Variants in SMYD2 observed in about 807,000 individuals in gnomAD.
The protein encoded by SMYD2 is SET and MYND domain containing 2, also known as N-lysine methyltransferase SMYD2.
SMYD2 carries 53 observed loss-of-function variants against 59.1 expected under a neutral mutation model. The ratio of observed to expected loss-of-function variants is 0.90; its 90% CI spans 0.72 to 1.13. The LOEUF is 1.13. SMYD2 is among the 50% of genes most tolerant of loss of function. The pLI is 0.00. For missense variants in SMYD2, 494 were observed against 544.7 expected (o/e 0.91, Z 0.93); for synonymous variants, 208 against 198.8 (o/e 1.05, Z -0.39).
rs1364472899 is a variant in SMYD2 at position 214,282,138 on chromosome 1, ATG to A, written c.173+715_173+716del. On this transcript the variant is annotated intron_variant, in intron 1 of 11. Coordinates refer to ENST00000366957, the MANE Select transcript of SMYD2 (RefSeq NM_020197.3). ...TAATTGTAAGATACCATATGTATAT[ATG>A]TGTCTGTGTTTGTATATATGATGCA... Among the ~76,000 whole-genome samples the A allele has an allele frequency of 3.9e-5, 6 of 152,312 alleles. No individual in the cohort carries two copies. The East Asian group carries it at 9.7e-4, about 25-fold the overall frequency.
In SMYD2 at chr1:214,312,872, C is replaced by A. The variant is rs1172343919; in HGVS notation, c.238-1890C>A. On this transcript the variant is annotated intron_variant, in intron 2 of 11. Coordinates refer to ENST00000366957, the MANE Select transcript of SMYD2 (RefSeq NM_020197.3). This position sits in a 1 kb window ranked among gnomAD's most constrained non-coding sequence, Gnocchi z 4.1. ...ACTGGCCTGATCCGAGTTTTGTCAA[C>A]AGAATCCCTCAGGCTGCTCTCTGGA... Among the ~76,000 whole-genome samples, 1 of 152,216 alleles carries A rather than the reference C, an allele frequency of 6.6e-6. No individual in the cohort carries two copies. Among genetic ancestry groups the A allele is most frequent in the Admixed American group, 6.5e-5 (1 of 15,290 alleles).
chr1:214,319,390 G>C (rs758980602), intron 5 of SMYD2, among the ~76,000 whole-genome samples: 2 of 152,124 alleles, frequency 1.3e-5, no homozygotes, highest in Non-Finnish European at 2.9e-5. Flanking sequence ...TCTAACCAAG[G>C]CTGCACTGAT....
chr1:214,316,323 T>C (rs575990933), intron 3 of SMYD2, among the ~76,000 whole-genome samples: 27 of 152,102 alleles, frequency 1.8e-4, no homozygotes, highest in African/African-American at 6.3e-4. Context: ...ATTTTAAAAA[T>C]TAAAAAAATT....
At chr1:214,319,122 C>T (rs552084349) in intron 5 of SMYD2, 139 bp downstream of exon 5, 6 of 1,141,868 alleles carry the variant, frequency 5.3e-6, no homozygotes, top group African/African-American at 4.7e-5. Context: ...CCAATTGGAC[C>T]GTGTGTTGCC....
chr1:214,319,055 T>G, intron 5 of SMYD2, 72 bp downstream of exon 5: 1 of 1,548,340 alleles, frequency 6.5e-7, no homozygotes, highest in African/African-American at 1.4e-5. Flanking sequence ...TAGCAAGCAC[T>G]CAGTGAAGAT....
At chr1:214,304,351 G>A (rs1656881171) in intron 1 of SMYD2, among the ~76,000 whole-genome samples, 1 of 151,998 alleles carries the variant, frequency 6.6e-6, no homozygotes, top group Admixed American at 6.6e-5. Flanking sequence ...TTGAGCCCAG[G>A]AGTTGGGGAT....
chr1:214,285,189 GCT>G (rs1240643752), intron 1 of SMYD2, among the ~76,000 whole-genome samples: 1 of 112,636 alleles, frequency 8.9e-6, no homozygotes, highest in African/African-American at 4.7e-5. Context: ...AGTTATAAAG[GCT>G]TTTTTTCCTC....
intron 1 of SMYD2, among the ~76,000 whole-genome samples, chr1:214,289,493 A>C (rs764519347): frequency 6.6e-6 from 1 of 152,208 alleles, no homozygotes; most frequent in Non-Finnish European, 1.5e-5. Context: ...CCTCAGATGT[A>C]GTTGAGGTAA....
At chr1:214,285,776 A>T (rs1656528030) in intron 1 of SMYD2, among the ~76,000 whole-genome samples, 1 of 152,336 alleles carries the variant, frequency 6.6e-6, no homozygotes, top group South Asian at 2.1e-4. Flanking sequence ...TTGTGCCAGC[A>T]TGCTAGAGTG....
chr1:214,334,047 C>T lies in SMYD2; in HGVS notation c.1113-153C>T, dbSNP rs367588074. 3.9e-3 allele frequency: 2,312 copies of T among 589,672 alleles called. 84 individuals are homozygous for T. In the South Asian group the frequency reaches 0.05, roughly 13 times the overall value. 36.5% of individuals were successfully genotyped at this position (589,672 alleles called of 1,614,324 possible). ...TGATTCGGCAGGGTGGCAGCATCCA[C>T]GCTCTCCACCCAAACCCTGGTGGGA... On this transcript the variant is annotated intron_variant, in intron 10 of 11. Coordinates refer to ENST00000366957, the MANE Select transcript of SMYD2 (RefSeq NM_020197.3).
intron 3 of SMYD2, 128 bp from the exon 4 acceptor site, chr1:214,317,951 G>A: frequency 2.2e-6 from 2 of 897,750 alleles, no homozygotes; most frequent in South Asian, 2.8e-5. Flanking sequence ...TGGAGTCCTT[G>A]AGTAGCTTGT....
chr1:214,309,745 G>A (rs555080131), intron 2 of SMYD2, among the ~76,000 whole-genome samples: 2 of 152,196 alleles, frequency 1.3e-5, no homozygotes, highest in Admixed American at 6.5e-5. Flanking sequence ...CTTAAATTTG[G>A]GCCACTCTTT....
At chr1:214,329,678 C>T (rs1384140931) in intron 7 of SMYD2, among the ~76,000 whole-genome samples, 1 of 152,206 alleles carries the variant, frequency 6.6e-6, no homozygotes, top group Non-Finnish European at 1.5e-5. Context: ...AGTGGAGCCT[C>T]TTGCTCCATT....
At chr1:214,284,254 GTTTTTTTT>G (rs34049644) in intron 1 of SMYD2, among the ~76,000 whole-genome samples, 1 of 90,364 alleles carries the variant, frequency 1.1e-5, no homozygotes. Flanking sequence ...TTTTGGTGTG[GTTTTTTTT>G]TTTTTTTTTT....
intron 1 of SMYD2, among the ~76,000 whole-genome samples, chr1:214,304,273 C>A (rs1656879294): frequency 6.6e-6 from 1 of 152,060 alleles, no homozygotes; most frequent in Admixed American, 6.5e-5. Context: ...GAATCTATTT[C>A]TTGGTGGGGG....
intron 10 of SMYD2, chr1:214,333,986 AAC>A (rs1310144125): frequency 1.1e-5 from 5 of 437,502 alleles, no homozygotes; most frequent in Non-Finnish European, 1.7e-5. Flanking sequence ...GCTTTTCAGA[AAC>A]ACACAAACTA....
Position 214,312,772 on chromosome 1 carries a change from G to A in SMYD2, c.238-1990G>A, listed in dbSNP as rs140260922. ...GGTGGTGCAGGGACGCTCCCATCAC[G>A]TGTGGCCTCCTAGGTCACCTTTAGC... On this transcript the variant is annotated intron_variant, in intron 2 of 11. Transcript: ENST00000366957. This position sits in a 1 kb window ranked among gnomAD's most constrained non-coding sequence, Gnocchi z 4.1. Among the ~76,000 whole-genome samples, 386 of 152,320 alleles carry A rather than the reference G, an allele frequency of 2.5e-3. No homozygotes were observed. Among genetic ancestry groups the A allele is most frequent in the Non-Finnish European group, 4.3e-3 (293 of 68,020 alleles).
rs1423953000 is a variant in SMYD2, at chr1:214,312,700, T to A, written c.238-2062T>A. 6.6e-6 allele frequency among the ~76,000 whole-genome samples: 1 copy of A among 152,178 alleles called. No individual in the cohort carries two copies. The highest frequency in any genetic ancestry group is 1.5e-5 in the Non-Finnish European group (1 of 68,032). On this transcript the variant is annotated intron_variant, in intron 2 of 11. Transcript: ENST00000366957. This position sits in a 1 kb window ranked among gnomAD's most constrained non-coding sequence, Gnocchi z 4.1. Reference sequence around the variant, plus strand: ...GGCGCAGCCAGGACACTTCTGTGGCTAAGTGCAGTGAGGCAGGTGAGAGTA... The same window carrying A: ...GGCGCAGCCAGGACACTTCTGTGGCAAAGTGCAGTGAGGCAGGTGAGAGTA...
chr1:214,331,018 C>A lies in SMYD2; in HGVS notation c.885C>A (p.Val295=). ...AGGCAGAAGCCATCCGAGACATGGT[C>A]AGATATGCACGCAACGTCATTGAAG... ...PPKAEAIRDM[V]RYARNVIEEF... is the part of the protein sequence containing the mutation. The change falls in exon 9 of 12, where the codon GTC becomes GTA. Residue 295 remains valine, a synonymous_variant. Coordinates refer to ENST00000366957, the MANE Select transcript of SMYD2 (RefSeq NM_020197.3). 1 of 1,614,156 alleles carries A rather than the reference C, an allele frequency of 6.2e-7. No individual in the cohort carries two copies. Among genetic ancestry groups the A allele is most frequent in the South Asian group, 1.1e-5 (1 of 91,046 alleles).
Sources: gnomAD v4.1 joint callset for allele counts (sites outside exome capture counted in the v4.1 genomes callset) on GRCh38, gnomAD v4.1.1 for gene constraint, Gnocchi (gnomAD v3.1) non-coding constraint, MANE v1.5 for transcripts, NCBI Gene and HGNC (gene_info 2026-07-23, HGNC 2026-07-21) for gene names.